The following CPEB3 variants were observed in gnomAD, a reference collection of about 807,000 sequenced individuals.
CPEB3 encodes cytoplasmic polyadenylation element-binding protein 3.
In CPEB3, 20 loss-of-function variants were observed where a neutral mutation model predicts 67.2. The observed-to-expected ratio is 0.30, with a 90% CI of 0.21 to 0.43. The LOEUF is 0.43. Ranked by LOEUF, CPEB3 falls within the 20% of genes least tolerant of loss-of-function variation. The pLI is 1.00. For synonymous variants in CPEB3, 376 were observed against 393.1 expected (o/e 0.96, Z 0.51); for missense variants, 746 against 968.6 (o/e 0.77, Z 3.05).
intron 6 of CPEB3, among the ~76,000 whole-genome samples, chr10:92,112,536 G>A (rs2133502216): frequency 6.6e-6 from 1 of 152,254 alleles, no homozygotes; most frequent in South Asian, 2.1e-4. Flanking sequence ...AGATAAGTGG[G>A]GACAAAATGT....
At chr10:92,206,447 G>A (rs907110985) in intron 2 of CPEB3, among the ~76,000 whole-genome samples, 5 of 151,818 alleles carry the variant, frequency 3.3e-5, no homozygotes, top group Non-Finnish European at 7.4e-5. Flanking sequence ...TTTCCCTTTC[G>A]TTTTGAGACA....
chr10:92,260,547 T>G, intron 1 of CPEB3, among the ~76,000 whole-genome samples: 1 of 142,676 alleles, frequency 7.0e-6, no homozygotes. Flanking sequence ...GCAAAACTCC[T>G]TCTCAAAAAA....
At chr10:92,119,569 G>C (rs1476379206) in intron 6 of CPEB3, among the ~76,000 whole-genome samples, 1 of 152,144 alleles carries the variant, frequency 6.6e-6, no homozygotes, top group African/African-American at 2.4e-5. Flanking sequence ...CACTGCCTGT[G>C]GGTTGCTGGC....
At chr10:92,175,647 T>C (rs548527617) in intron 4 of CPEB3, among the ~76,000 whole-genome samples, 2 of 152,288 alleles carry the variant, frequency 1.3e-5, no homozygotes, top group East Asian at 1.9e-4. Context: ...ACAGTGCACA[T>C]TTGCATGTTC....
Position 92,215,151 on chromosome 10 carries a change from A to AT in CPEB3, c.1006-22516dup, listed in dbSNP as rs79149383. On this transcript the variant is annotated intron_variant, in intron 2 of 9. Coordinates refer to ENST00000265997, the MANE Select transcript of CPEB3 (RefSeq NM_014912.5). Reference sequence around the variant, plus strand: ...ACGTGAGCCACAGTGCCAAGCCAAGATTTTTTTTTTTTTTTTTTTGAGACG... The same window carrying AT: ...ACGTGAGCCACAGTGCCAAGCCAAGATTTTTTTTTTTTTTTTTTTTGAGACG... Among the ~76,000 whole-genome samples the AT allele has an allele frequency of 8.1e-3, 1,002 of 123,148 alleles. 8 individuals are homozygous for AT. The highest frequency in any genetic ancestry group is 0.013 in the East Asian group (54 of 4,168). The allele number at this position is 123,148 out of a possible 152,430, so 80.8% of individuals were successfully genotyped here. A position where few individuals can be genotyped will look rare whatever the true frequency, so the allele number is the denominator to read the frequency against.
At chr10:92,207,845 G>C (rs558702629) in intron 2 of CPEB3, among the ~76,000 whole-genome samples, 30 of 152,330 alleles carry the variant, frequency 2.0e-4, no homozygotes, top group Non-Finnish European at 2.9e-4. Flanking sequence ...ACTCCAGCCT[G>C]AGCGATAGAG....
intron 6 of CPEB3, among the ~76,000 whole-genome samples, chr10:92,120,332 C>A (rs940838071): frequency 2.6e-5 from 4 of 151,772 alleles, no homozygotes; most frequent in African/African-American, 9.7e-5. Context: ...CACCTGTAAT[C>A]CCAGCACTTT....
intron 2 of CPEB3, among the ~76,000 whole-genome samples, chr10:92,215,376 ACTCCTGAT>A (rs988289420): frequency 2.1e-5 from 3 of 143,202 alleles, no homozygotes; most frequent in Non-Finnish European, 3.0e-5. Flanking sequence ...CTGGTCTTGA[ACTCCTGAT>A]CTCCTGATCC....
chr10:92,223,912 C>A (rs1351904566), intron 2 of CPEB3, among the ~76,000 whole-genome samples: 2 of 152,038 alleles, frequency 1.3e-5, no homozygotes, highest in Non-Finnish European at 2.9e-5. Context: ...CCACACCCGG[C>A]TAATTTTTGT....
At chr10:92,127,302 G>A (rs913426117) in intron 6 of CPEB3, among the ~76,000 whole-genome samples, 5 of 152,056 alleles carry the variant, frequency 3.3e-5, no homozygotes, top group African/African-American at 1.2e-4. Flanking sequence ...CAGAAAATGC[G>A]AGTAAGAGGA....
chr10:92,127,759 G>T (rs1444961356), intron 6 of CPEB3, among the ~76,000 whole-genome samples: 1 of 152,200 alleles, frequency 6.6e-6, no homozygotes, highest in Non-Finnish European at 1.5e-5. Flanking sequence ...GGCCTCAGTT[G>T]TCTTGTCCAA....
intron 1 of CPEB3, among the ~76,000 whole-genome samples, chr10:92,275,845 C>CTTTTTTTT (rs909549413): frequency 3.5e-4 from 33 of 92,958 alleles, no homozygotes; most frequent in South Asian, 1.1e-3. Context: ...TCATTCTTTT[C>CTTTTTTTT]TTTTTTTTTT....
chr10:92,217,148 C>T (rs191295763), intron 2 of CPEB3, among the ~76,000 whole-genome samples: 1,899 of 131,270 alleles, frequency 0.014, 49 homozygotes, highest in African/African-American at 0.051. Context: ...GCGGAGGTTA[C>T]GGTCAGCCAA....
chr10:92,056,462 C>G (rs999703253), intron 9 of CPEB3, among the ~76,000 whole-genome samples: 2 of 152,100 alleles, frequency 1.3e-5, no homozygotes, highest in African/African-American at 2.4e-5. Flanking sequence ...CTCGTAGTAC[C>G]TGGTTTTATC....
intron 9 of CPEB3, among the ~76,000 whole-genome samples, chr10:92,076,517 T>G (rs1444226114): frequency 6.6e-6 from 1 of 152,044 alleles, no homozygotes; most frequent in Non-Finnish European, 1.5e-5. Context: ...CAATCCTCCC[T>G]CCTCAGCCTC....
At chr10:92,111,247 A>C (rs1463944493) in intron 6 of CPEB3, 53 bp from the exon 7 acceptor site, 17 of 1,124,944 alleles carry the variant, frequency 1.5e-5, no homozygotes, top group Non-Finnish European at 2.0e-5. Flanking sequence ...CATTAAACTC[A>C]AAGTACCAAT....
At chr10:92,098,524 G>C (rs1285262772) in intron 7 of CPEB3, among the ~76,000 whole-genome samples, 1 of 152,018 alleles carries the variant, frequency 6.6e-6, no homozygotes. Flanking sequence ...GGTCGGGATG[G>C]TCTCAAAATC....
intron 3 of CPEB3, among the ~76,000 whole-genome samples, chr10:92,186,285 G>A (rs534743091): frequency 8.6e-5 from 13 of 151,342 alleles, no homozygotes; most frequent in Admixed American, 2.0e-4. Context: ...AGCTACTCAC[G>A]AGGCTGAGGT....
chr10:92,114,855 GGT>G (rs1844924837), intron 6 of CPEB3, among the ~76,000 whole-genome samples: 1 of 152,100 alleles, frequency 6.6e-6, no homozygotes. Flanking sequence ...CGTATAAAAA[GGT>G]GTTTCATAAA....
Sources: allele counts gnomAD v4.1 joint callset (sites outside exome capture counted in the v4.1 genomes callset), GRCh38; gene constraint gnomAD v4.1.1; transcripts MANE v1.5; gene names NCBI Gene and HGNC (gene_info 2026-07-23, HGNC 2026-07-21).